The following SHOC1 variants were observed in gnomAD, a reference collection of about 807,000 sequenced individuals.
SHOC1 encodes protein shortage in chiasmata 1 ortholog.
SHOC1 carries 136 observed loss-of-function variants against 179.2 expected under a neutral mutation model. That is an observed-to-expected ratio of 0.76 (90% confidence interval 0.66 to 0.87). The LOEUF is 0.87. Ranked by LOEUF, SHOC1 falls within the 40% of genes least tolerant of loss-of-function variation. SHOC1 has a pLI of 0.00. For synonymous variants in SHOC1, 489 were observed against 586.6 expected (o/e 0.83, Z 2.41); for missense variants, 1,538 against 1,700.8 (o/e 0.90, Z 1.68).
At chr9:111,794,821 T>G (rs1836568583) in intron 1 of SHOC1, 79 bp downstream of exon 1, 1 of 152,490 alleles carries the variant, frequency 6.6e-6, no homozygotes, top group African/African-American at 2.4e-5. Context: ...CCATACTTCT[T>G]TGGTCCCATA....
At chr9:111,686,939 C>CATT in intron 27 of SHOC1, 69 bp from the exon 28 acceptor site, 3 of 520,080 alleles carry the variant, frequency 5.8e-6, no homozygotes, top group Non-Finnish European at 9.0e-6. Context: ...TTTTCTTTTC[C>CATT]TTTTTTTTTT....
chr9:111,791,878 T>G (rs1359856290), intron 1 of SHOC1, among the ~76,000 whole-genome samples: 1 of 142,930 alleles, frequency 7.0e-6, no homozygotes, highest in Non-Finnish European at 1.5e-5. Context: ...ATAACCATAT[T>G]TCTCAAGTGG....
chr9:111,686,920 G>T, intron 27 of SHOC1, 50 bp from the exon 28 acceptor site: 189 of 939,718 alleles, frequency 2.0e-4, no homozygotes, highest in Non-Finnish European at 2.8e-4. Context: ...CAATAGTAAA[G>T]TATAGGTTTT....
At chr9:111,748,045 T>C in intron 9 of SHOC1, 47 bp downstream of exon 9, 1 of 1,274,444 alleles carries the variant, frequency 7.8e-7, no homozygotes, top group Non-Finnish European at 1.1e-6. Context: ...TTTTACATCA[T>C]AAATAGGTAA....
rs145241304 is a variant in SHOC1, at chr9:111,754,613, A to G, written c.862+1712T>C. Among the ~76,000 whole-genome samples, 284 of 152,324 alleles carry G rather than the reference A, an allele frequency of 1.9e-3. 1 individual carries two copies. Among genetic ancestry groups the G allele is most frequent in the African/African-American group, 6.5e-3 (272 of 41,570 alleles). On this transcript the variant is annotated intron_variant, in intron 8 of 27. Coordinates refer to ENST00000682961, the MANE Select transcript of SHOC1 (RefSeq NM_001378211.1). ...CTAGCAATTCCACTCCTAGGTATAT[A>G]TCCAAGAGAAATGAAAACATATGTG...
intron 1 of SHOC1, among the ~76,000 whole-genome samples, chr9:111,793,612 G>T (rs566856525): frequency 8.9e-6 from 1 of 112,536 alleles, no homozygotes; most frequent in African/African-American, 3.0e-5. Flanking sequence ...ATGAGGAAAT[G>T]AACAAAATCA....
intron 5 of SHOC1, among the ~76,000 whole-genome samples, 170 bp downstream of exon 5, chr9:111,775,621 G>A (rs927337729): frequency 1.3e-5 from 2 of 152,106 alleles, no homozygotes; most frequent in African/African-American, 4.8e-5. Context: ...AACTTACAAA[G>A]AGGATTAATA....
chr9:111,703,731 C>A (rs1832098655), intron 22 of SHOC1, 150 bp downstream of exon 22: 1 of 456,220 alleles, frequency 2.2e-6, no homozygotes, highest in Non-Finnish European at 3.9e-6. Flanking sequence ...AGTCATTTTC[C>A]ACAGTGACGA....
At chr9:111,734,873 T>A (rs543166767) in intron 12 of SHOC1, among the ~76,000 whole-genome samples, 1 of 152,322 alleles carries the variant, frequency 6.6e-6, no homozygotes, top group African/African-American at 2.4e-5. Context: ...GTTTGTTACC[T>A]GGGTATATTG....
chr9:111,785,890 T>C (rs1467483084), intron 3 of SHOC1, 22 bp downstream of exon 3: 2 of 1,435,942 alleles, frequency 1.4e-6, no homozygotes, highest in Admixed American at 6.6e-5. Context: ...AACACATTTT[T>C]AAGAAATGAA....
At chr9:111,705,486 A>C in intron 20 of SHOC1, 122 bp from the exon 21 acceptor site, 1 of 443,282 alleles carries the variant, frequency 2.3e-6, no homozygotes, top group South Asian at 6.1e-5. Flanking sequence ...TCAATGTAAA[A>C]AATCAGAAAC....
chr9:111,720,851 GAAGT>G (rs1833009742), intron 15 of SHOC1, among the ~76,000 whole-genome samples: 1 of 152,226 alleles, frequency 6.6e-6, no homozygotes, highest in Admixed American at 6.5e-5. Context: ...ACAGTAATAA[GAAGT>G]GTCAGCGTCC....
intron 10 of SHOC1, among the ~76,000 whole-genome samples, chr9:111,743,045 C>T (rs990405360): frequency 6.6e-6 from 1 of 152,096 alleles, no homozygotes; most frequent in African/African-American, 2.4e-5. Flanking sequence ...GCCATACAGA[C>T]TTTTCTTTTT....
chr9:111,719,343 A>G (rs913701591), intron 15 of SHOC1, among the ~76,000 whole-genome samples: 3 of 152,180 alleles, frequency 2.0e-5, no homozygotes, highest in African/African-American at 7.2e-5. Context: ...ACAACTATTC[A>G]CTTGCTCGGG....
chr9:111,688,721 A>G (rs985825443), intron 27 of SHOC1, among the ~76,000 whole-genome samples: 2 of 152,140 alleles, frequency 1.3e-5, no homozygotes, highest in African/African-American at 4.8e-5. Context: ...AAAAAATAAA[A>G]ATTAAAATAC....
chr9:111,726,718 T>C (rs1833306477), intron 13 of SHOC1, among the ~76,000 whole-genome samples: 1 of 152,236 alleles, frequency 6.6e-6, no homozygotes, highest in Non-Finnish European at 1.5e-5. Flanking sequence ...TAAATATTTT[T>C]GTATTCTTTA....
intron 27 of SHOC1, among the ~76,000 whole-genome samples, chr9:111,688,677 C>T (rs956909783): frequency 6.6e-6 from 1 of 151,800 alleles, no homozygotes; most frequent in African/African-American, 2.4e-5. Flanking sequence ...CCACTCTTGG[C>T]TCAAAGAAAA....
In SHOC1 at chr9:111,693,932, A is replaced by C; in HGVS notation, c.3332T>G (p.Leu1111Arg). Residue 1111 changes from leucine (L) to arginine (R), a missense_variant, in exon 26 of 28, where the codon CTT (leucine) becomes CGT (arginine). Leu to Arg is a moderately radical substitution (Grantham distance 102). Transcript: ENST00000682961. ...VSPSEEEMYL[L>R]DFPCINPLVA... Reference sequence around the variant, plus strand: ...CAATGGGTTAATACATGGAAAATCAAGTAAGTACATTTCTTCCTAGAAAAG... The same window carrying C: ...CAATGGGTTAATACATGGAAAATCACGTAAGTACATTTCTTCCTAGAAAAG... The C allele has an allele frequency of 6.2e-7, 1 of 1,609,916 alleles. No individual in the cohort carries two copies. The highest frequency in any genetic ancestry group is 8.5e-7 in the Non-Finnish European group (1 of 1,177,552).
chr9:111,758,180 AAG>A lies in SHOC1; in HGVS notation c.610_611del (p.Leu204SerfsTer16). 6.4e-7 allele frequency: 1 copy of A among 1,571,270 alleles called. No homozygotes were observed. ...EANFSRECFS[L>X]QETLEAFVKE... The stretch of plus-strand genomic sequence containing the variant: ...TCACAAAAGCTTCCAAAGTTTCTTG[AAG>A]AGAGAAACATTCCCTTAAAAAAAAA... On this transcript the variant is annotated frameshift_variant, in exon 7 of 28. Transcript: ENST00000682961. LOFTEE classifies it high-confidence loss of function.
Sources: gnomAD v4.1 joint callset for allele counts (sites outside exome capture counted in the v4.1 genomes callset) on GRCh38, gnomAD v4.1.1 for gene constraint, MANE v1.5 for transcripts, NCBI Gene and HGNC (gene_info 2026-07-23, HGNC 2026-07-21) for gene names.